AKAP13: variants seen among roughly 807,000 people sequenced by gnomAD.
AKAP13 encodes the protein A-kinase anchor protein 13.
AKAP13 carries 80 observed loss-of-function variants against 264.5 expected under a neutral mutation model. The ratio of observed to expected loss-of-function variants is 0.30; its 90% CI spans 0.25 to 0.36. The LOEUF (loss-of-function observed/expected upper bound fraction) is 0.36. AKAP13 is among the 10% of genes least tolerant of loss of function. AKAP13 has a pLI of 1.00. For synonymous variants in AKAP13, 1,380 were observed against 1,250.2 expected (o/e 1.10, Z -2.19); for missense variants, 3,712 against 3,435.2 (o/e 1.08, Z -2.01).
intron 8 of AKAP13, among the ~76,000 whole-genome samples, chr15:85,599,252 C>T (rs2079950785): frequency 6.6e-6 from 1 of 152,130 alleles, no homozygotes; most frequent in Admixed American, 6.5e-5. Flanking sequence ...CAGCTGAACG[C>T]ATTAAAAGGA....
intron 1 of AKAP13, among the ~76,000 whole-genome samples, chr15:85,431,216 A>G (rs1310333293): frequency 6.6e-6 from 1 of 152,212 alleles, no homozygotes; most frequent in Non-Finnish European, 1.5e-5. Context: ...ATTGTTTAGA[A>G]GCCTGATTTG....
intron 5 of AKAP13, among the ~76,000 whole-genome samples, chr15:85,549,082 C>A (rs1490716385): frequency 6.6e-6 from 1 of 152,080 alleles, no homozygotes; most frequent in Admixed American, 6.6e-5. Context: ...TTTCATACTT[C>A]AGGGAAATTT....
chr15:85,630,206 CACAT>C (rs1186942591), intron 8 of AKAP13, among the ~76,000 whole-genome samples: 2 of 51,212 alleles, frequency 3.9e-5, no homozygotes, highest in African/African-American at 2.8e-4. Context: ...CACACACACA[CACAT>C]CATGAACTAA....
intron 5 of AKAP13, among the ~76,000 whole-genome samples, chr15:85,566,031 G>T (rs546660089): frequency 6.6e-6 from 1 of 152,318 alleles, no homozygotes; most frequent in South Asian, 2.1e-4. Context: ...TAACATTGGT[G>T]CATGGTAACA....
chr15:85,473,785 C>CA (rs2075052067), intron 1 of AKAP13, among the ~76,000 whole-genome samples: 1 of 152,298 alleles, frequency 6.6e-6, no homozygotes, highest in South Asian at 2.1e-4. Context: ...CTGTAGAAAA[C>CA]AGAGTTAATA....
intron 4 of AKAP13, among the ~76,000 whole-genome samples, chr15:85,537,950 A>G (rs576073390): frequency 3.5e-4 from 54 of 152,276 alleles, no homozygotes; most frequent in African/African-American, 1.3e-3. Flanking sequence ...TAATTATATA[A>G]ACAAGCTTCT....
At chr15:85,434,278 C>T (rs1314897832) in intron 1 of AKAP13, among the ~76,000 whole-genome samples, 53 of 152,272 alleles carry the variant, frequency 3.5e-4, no homozygotes, top group Non-Finnish European at 4.7e-4. Flanking sequence ...TAAAAAACGG[C>T]GAACCACGAG....
At chr15:85,689,463 G>C (rs572985898) in intron 16 of AKAP13, among the ~76,000 whole-genome samples, 1 of 152,176 alleles carries the variant, frequency 6.6e-6, no homozygotes, top group Non-Finnish European at 1.5e-5. Context: ...ACCTTTGATA[G>C]TGTCCTAGTG....
At chr15:85,706,850 TG>T (rs1468699997) in intron 17 of AKAP13, among the ~76,000 whole-genome samples, 1 of 152,032 alleles carries the variant, frequency 6.6e-6, no homozygotes, top group Non-Finnish European at 1.5e-5. Flanking sequence ...GTGAACCAAG[TG>T]GGTGTTAAAG....
At chr15:85,589,938 T>G (rs752438851) in intron 8 of AKAP13, among the ~76,000 whole-genome samples, 5 of 150,290 alleles carry the variant, frequency 3.3e-5, no homozygotes, top group Admixed American at 2.6e-4. Flanking sequence ...CCTGAATAGC[T>G]TTTTGACAGC....
intron 2 of AKAP13, among the ~76,000 whole-genome samples, chr15:85,499,391 C>T (rs974854969): frequency 3.3e-5 from 5 of 152,100 alleles, no homozygotes; most frequent in East Asian, 1.9e-4. Flanking sequence ...GTAGCAGCAG[C>T]GCAGATTATG....
chr15:85,673,694 G>GTTTTTTT (rs2084052641), intron 14 of AKAP13, among the ~76,000 whole-genome samples: 7 of 84,136 alleles, frequency 8.3e-5, no homozygotes, highest in East Asian at 3.5e-4. Context: ...TTTTTTTTTG[G>GTTTTTTT]GGAGACAGAA....
chr15:85,732,146 T>C (rs1417568173), intron 30 of AKAP13, among the ~76,000 whole-genome samples: 2 of 151,162 alleles, frequency 1.3e-5, no homozygotes, highest in African/African-American at 2.4e-5. Context: ...TATTAAAAGC[T>C]CAGAATGTTC....
intron 17 of AKAP13, among the ~76,000 whole-genome samples, chr15:85,699,300 TG>T (rs1331308092): frequency 2.6e-5 from 4 of 151,830 alleles, no homozygotes; most frequent in African/African-American, 9.7e-5. Flanking sequence ...AAAAATTAGC[TG>T]GGCGTGGTGG....
At chr15:85,600,036 T>G (rs1448917149) in intron 8 of AKAP13, among the ~76,000 whole-genome samples, 2 of 152,140 alleles carry the variant, frequency 1.3e-5, no homozygotes, top group African/African-American at 2.4e-5. Flanking sequence ...ATCCTTCCTC[T>G]TTTATTAAGG....
At chr15:85,568,870 T>C (rs1431480328) in intron 5 of AKAP13, among the ~76,000 whole-genome samples, 1 of 152,178 alleles carries the variant, frequency 6.6e-6, no homozygotes, top group Non-Finnish European at 1.5e-5. Flanking sequence ...GAAACAGTTG[T>C]TTCTGATAGA....
At chr15:85,586,938 AAAT>A (rs34747053) in intron 8 of AKAP13, among the ~76,000 whole-genome samples, 87,541 of 146,632 alleles carry the variant, frequency 0.6, 26,029 homozygotes, top group Middle Eastern at 0.71. Context: ...AAAAAAAAAA[AAAT>A]AAGAGAATAA....
chr15:85,647,832 G>A (rs964181284), intron 10 of AKAP13, among the ~76,000 whole-genome samples: 10 of 152,130 alleles, frequency 6.6e-5, no homozygotes, highest in African/African-American at 2.4e-4. Flanking sequence ...GGAGGCTGAG[G>A]CAGGAGAATG....
intron 9 of AKAP13, among the ~76,000 whole-genome samples, chr15:85,642,442 GA>G (rs1238792451): frequency 2.0e-5 from 3 of 152,210 alleles, no homozygotes; most frequent in Admixed American, 2.0e-4. Context: ...GTAGGAAGGG[GA>G]CAAATAGGAA....
Sources: gnomAD v4.1 joint callset for allele counts (sites outside exome capture counted in the v4.1 genomes callset) on GRCh38, gnomAD v4.1.1 for gene constraint, MANE v1.5 for transcripts, NCBI Gene and HGNC (gene_info 2026-07-23, HGNC 2026-07-21) for gene names.